CDC25B: variants seen among roughly 807,000 people sequenced by gnomAD.
The protein encoded by CDC25B is M-phase inducer phosphatase 2.
A neutral mutation model predicts 69.8 loss-of-function variants in CDC25B; 33 were observed. That is an observed-to-expected ratio of 0.47 (90% CI 0.36 to 0.63). CDC25B has a LOEUF of 0.63. CDC25B is among the 30% of genes least tolerant of loss of function. The pLI is 0.00. For missense variants in CDC25B, 727 were observed against 809.1 expected (o/e 0.90, Z 1.23); for synonymous variants, 341 against 314.6 (o/e 1.08, Z -0.89).
At position 3,796,427 on chromosome 20, in the gene CDC25B, CCCCA is replaced by C; in HGVS notation, c.-101_-98del. On this transcript the variant is annotated 5_prime_UTR_variant, in exon 1 of 16. Transcript: ENST00000245960. The stretch of plus-strand genomic sequence containing the variant: ...TTCCTCCCTCCCTCCTTCCCCCCCC[CCCCA>C]CCCCTCGCCCGCTGCCTCCCTCGGC... 1.2e-5 allele frequency: 3 copies of C among 253,904 alleles called. No homozygotes were observed. The highest frequency in any genetic ancestry group is 4.9e-5 in the South Asian group (1 of 20,326). The allele number at this position is 253,904 out of a possible 1,614,324, so 15.7% of individuals were successfully genotyped here.
At chr20:3,800,233 G>A in intron 3 of CDC25B, 55 bp from the exon 4 acceptor site, 1 of 1,574,362 alleles carries the variant, frequency 6.4e-7, no homozygotes, top group East Asian at 2.2e-5. Context: ...TGGTGCTGGG[G>A]TGGGTGATGG....
intron 3 of CDC25B, among the ~76,000 whole-genome samples, chr20:3,799,525 T>TGCGCGCGCGC (rs35316200): frequency 2.9e-5 from 2 of 68,688 alleles, no homozygotes; most frequent in African/African-American, 9.6e-5. Context: ...TGTGTGTGTG[T>TGCGCGCGCGC]GCGCGCGCGC....
chr20:3,788,889 CTTCCT>C (rs371809749), intron 1 of CDC25B, among the ~76,000 whole-genome samples: 2 of 147,814 alleles, frequency 1.4e-5, no homozygotes, highest in Non-Finnish European at 3.0e-5. Context: ...CTTCCTTTCT[CTTCCT>C]TTCCTTTCCT....
At chr20:3,802,483 C>A in intron 11 of CDC25B, 107 bp downstream of exon 11, 1 of 727,184 alleles carries the variant, frequency 1.4e-6, no homozygotes, top group Admixed American at 2.5e-5. Flanking sequence ...CCGGAGCCCC[C>A]CTTTTCTTTG....
At chr20:3,795,911 T>C (rs11569978), upstream of CDC25B, 5,640 of 986,138 alleles carry the variant, frequency 5.7e-3, 277 homozygotes, top group African/African-American at 0.091. Context: ...ACGCAGACCG[T>C]ACAGCCCAGC....
intron 11 of CDC25B, 39 bp downstream of exon 11, chr20:3,802,415 C>G: frequency 7.0e-7 from 1 of 1,436,656 alleles, no homozygotes; most frequent in South Asian, 1.1e-5. Flanking sequence ...GGGGGCTTGA[C>G]CTCTTACTGA....
chr20:3,795,083 C>T (rs2088990804), upstream of CDC25B, among the ~76,000 whole-genome samples: 1 of 152,138 alleles, frequency 6.6e-6, no homozygotes, highest in African/African-American at 2.4e-5. Flanking sequence ...GAAGATGGGC[C>T]GGGCACAGTG....
At chr20:3,799,419 A>G (rs2089182171) in intron 3 of CDC25B, among the ~76,000 whole-genome samples, 1 of 151,652 alleles carries the variant, frequency 6.6e-6, no homozygotes, top group Non-Finnish European at 1.5e-5. Flanking sequence ...TCCCCCTCAT[A>G]CTTTATCCCT....
chr20:3,805,584 G>A lies in CDC25B; in HGVS notation c.*623G>A. On this transcript the variant is annotated 3_prime_UTR_variant, in exon 16 of 16. Coordinates refer to ENST00000245960, the MANE Select transcript of CDC25B (RefSeq NM_021873.4). ...CTGTTTGACTTTACGCCCATCTCAG[G>A]ACACTTCCGTAGACTGTTTAGGTTC... 2.5e-6 allele frequency: 1 copy of A among 396,912 alleles called. No homozygotes were observed. The allele number at this position is 396,912 out of a possible 1,614,324, so 24.6% of individuals were successfully genotyped here.
chr20:3,797,520 C>T (rs571004384), intron 1 of CDC25B, 102 bp from the exon 2 acceptor site: 11 of 1,431,324 alleles, frequency 7.7e-6, no homozygotes, highest in African/African-American at 5.6e-5. Flanking sequence ...TGTAGTGTTT[C>T]GCTCAGTTCT....
rs753214978 is a variant in CDC25B, at chr20:3,800,883, CG to C, written c.582+22del. 17 of 1,613,300 alleles carry C rather than the reference CG, an allele frequency of 1.1e-5. No homozygotes were observed. Among genetic ancestry groups the C allele is most frequent in the Non-Finnish European group, 1.4e-5 (16 of 1,179,570 alleles). On this transcript the variant is annotated intron_variant, in intron 6 of 15. Transcript: ENST00000245960. Reference sequence around the variant, plus strand: ...AGGAGAATGTGCGCTTCTGGAAGGCCGGGGTGGGAGCTCTCCGGGAAGAGGA... The same window carrying C: ...AGGAGAATGTGCGCTTCTGGAAGGCCGGGTGGGAGCTCTCCGGGAAGAGGA...
intron 2 of CDC25B, 98 bp from the exon 3 acceptor site, chr20:3,798,314 T>TG (rs2089138599): frequency 4.5e-6 from 3 of 667,346 alleles, no homozygotes; most frequent in East Asian, 6.6e-5. Flanking sequence ...AACTAGAAAC[T>TG]GTTTTTTTTT....
rs111545759 is a variant in CDC25B, at chr20:3,801,260, A to G, written c.712A>G (p.Ser238Gly). The G allele has an allele frequency of 1.7e-5, 27 of 1,613,682 alleles. No individual in the cohort carries two copies. The Middle Eastern group carries it at 5.0e-4, about 30-fold the overall frequency. ...PSSAPDLMCL[S>G]PDRKMEVEEL... The stretch of plus-strand genomic sequence containing the variant: ...CTGTCTGTCATGTGGACAGTGTCTC[A>G]GTCCTGACCGGAAGATGGAAGTGGA... Residue 238 changes from serine (S) to glycine (G), a missense_variant, in exon 8 of 16, where the codon AGT becomes GGT. Coordinates refer to ENST00000245960, the MANE Select transcript of CDC25B (RefSeq NM_021873.4).
chr20:3,802,041 C>T lies in CDC25B; in HGVS notation c.1039C>T (p.Gln347Ter). The T allele has an allele frequency of 6.3e-7, 1 of 1,577,720 alleles. No individual in the cohort carries two copies. The highest frequency in any genetic ancestry group is 8.6e-7 in the Non-Finnish European group (1 of 1,162,048). The part of the protein sequence containing the change: ...ERPQDRDTPV[Q>*]NKRRRSVTPP... ...GCCCCAGGACAGGGACACGCCCGTG[C>T]AGAATAAGCGGAGGCGGAGCGTGAC... The change falls in exon 10 of 16, where the codon CAG becomes TAG. Residue 347 changes from glutamine (Q) to a stop codon, truncating the protein, a stop_gained. Transcript: ENST00000245960. LOFTEE classifies it high-confidence loss of function.
intron 8 of CDC25B, 62 bp from the exon 9 acceptor site, chr20:3,801,660 G>T (rs1468350704): frequency 4.5e-6 from 6 of 1,342,758 alleles, no homozygotes; most frequent in African/African-American, 1.5e-5. Context: ...AGGATTCCGG[G>T]ACTGGAGGGG....
upstream of CDC25B, chr20:3,795,805 A>G: frequency 2.1e-5 from 21 of 985,340 alleles, no homozygotes; most frequent in Non-Finnish European, 2.5e-5. Flanking sequence ...GCCTGGAGCG[A>G]GCGAATCCTG....
At chr20:3,795,362 A>AC (rs61486627), upstream of CDC25B, among the ~76,000 whole-genome samples, 10,169 of 111,130 alleles carry the variant, frequency 0.092, 423 homozygotes, top group East Asian at 0.18. Flanking sequence ...CCATCCCAAA[A>AC]AAAACAAAAC....
chr20:3,792,033 A>G (rs2088923182), upstream of CDC25B, among the ~76,000 whole-genome samples: 1 of 149,794 alleles, frequency 6.7e-6, no homozygotes, highest in African/African-American at 2.5e-5. Context: ...CCTGCCTCAG[A>G]CTCCCAAGTA....
At chr20:3,799,047 T>C (rs1405862477) in intron 3 of CDC25B, among the ~76,000 whole-genome samples, 1 of 152,096 alleles carries the variant, frequency 6.6e-6, no homozygotes, top group East Asian at 1.9e-4. Flanking sequence ...GCTGTGGGCA[T>C]GGGTGGTGTC....
Sources: allele counts gnomAD v4.1 joint callset (sites outside exome capture counted in the v4.1 genomes callset), GRCh38; gene constraint gnomAD v4.1.1; transcripts MANE v1.5; gene names NCBI Gene and HGNC (gene_info 2026-07-23, HGNC 2026-07-21).